Variants in IPCEF1 observed in about 807,000 individuals in gnomAD.
The protein encoded by IPCEF1 is interactor protein for cytohesin exchange factors 1.
IPCEF1 carries 31 observed loss-of-function variants against 50.9 expected under a neutral mutation model. The observed-to-expected ratio is 0.61, with a 90% CI of 0.46 to 0.82. IPCEF1 has a LOEUF of 0.82. IPCEF1 is among the 40% of genes least tolerant of loss of function. The pLI, the probability that IPCEF1 is intolerant of heterozygous loss-of-function variation, is 0.00. For synonymous variants in IPCEF1, 181 were observed against 192.0 expected (o/e 0.94, Z 0.47); for missense variants, 458 against 514.0 (o/e 0.89, Z 1.05).
At chr6:154,236,828 T>C (rs759244106) in intron 5 of IPCEF1, among the ~76,000 whole-genome samples, 65 of 152,258 alleles carry the variant, frequency 4.3e-4, no homozygotes, top group Non-Finnish European at 7.2e-4. Context: ...AGAATTAAAA[T>C]TGGGTGCGTT....
chr6:154,199,166 T>A (rs1206037150), intron 10 of IPCEF1, among the ~76,000 whole-genome samples: 1 of 152,210 alleles, frequency 6.6e-6, no homozygotes, highest in Non-Finnish European at 1.5e-5. Flanking sequence ...CTGCACAAAG[T>A]GCATGCAAAT....
intron 2 of IPCEF1, among the ~76,000 whole-genome samples, chr6:154,271,527 T>C (rs1781902154): frequency 6.6e-6 from 1 of 152,208 alleles, no homozygotes; most frequent in South Asian, 2.1e-4. Context: ...TATAGATTAC[T>C]TTTATACAGA....
intron 1 of IPCEF1, among the ~76,000 whole-genome samples, chr6:154,347,460 A>G (rs193187750): frequency 2.0e-5 from 3 of 152,374 alleles, no homozygotes; most frequent in Admixed American, 6.5e-5. Flanking sequence ...TTAAAAAATT[A>G]GATAATGAAT....
At chr6:154,247,596 T>TA (rs577036239) in intron 3 of IPCEF1, 108 bp from the exon 4 acceptor site, 827 of 868,530 alleles carry the variant, frequency 9.5e-4, no homozygotes, top group African/African-American at 2.6e-3. Flanking sequence ...GGATGGAATC[T>TA]AAAAAAAAAC....
At chr6:154,166,549 C>A (rs981606255) in intron 11 of IPCEF1, among the ~76,000 whole-genome samples, 1 of 152,180 alleles carries the variant, frequency 6.6e-6, no homozygotes. Flanking sequence ...CCTAATGCCT[C>A]CAGTAATCCA....
chr6:154,212,314 T>A (rs1778026171), intron 9 of IPCEF1, among the ~76,000 whole-genome samples: 1 of 152,244 alleles, frequency 6.6e-6, no homozygotes, highest in South Asian at 2.1e-4. Flanking sequence ...GCACTTTTAA[T>A]GCACTAACCC....
At chr6:154,257,728 C>A (rs1455191728) in intron 3 of IPCEF1, among the ~76,000 whole-genome samples, 1 of 152,078 alleles carries the variant, frequency 6.6e-6, no homozygotes, top group Non-Finnish European at 1.5e-5. Flanking sequence ...GAGACAGGGT[C>A]TTGCTTTTTC....
At chr6:154,214,146 TTGTTTTTTCACCCTGTTTCAACC>T (rs1438049730) in intron 8 of IPCEF1, 49 bp downstream of exon 8, 87 of 982,448 alleles carry the variant, frequency 8.9e-5, no homozygotes, top group Non-Finnish European at 1.4e-4. Context: ...GAACTTGACA[TTGTTTTTTCACCCTGTTTCAACC>T]TGTTCTAATA....
At chr6:154,196,410 A>C (rs1038078684) in intron 10 of IPCEF1, among the ~76,000 whole-genome samples, 3 of 151,990 alleles carry the variant, frequency 2.0e-5, no homozygotes, top group Admixed American at 6.6e-5. Context: ...CTTCTTTAAC[A>C]ATGTTTTATT....
chr6:154,345,829 A>C (rs1204167391), intron 1 of IPCEF1, among the ~76,000 whole-genome samples: 4 of 148,674 alleles, frequency 2.7e-5, no homozygotes, highest in Non-Finnish European at 6.0e-5. Context: ...TATGGTTTTA[A>C]TATATTAAAA....
chr6:154,354,488 CTA>C (rs1192532119), intron 1 of IPCEF1, among the ~76,000 whole-genome samples: 2,840 of 144,548 alleles, frequency 0.02, no homozygotes, highest in African/African-American at 0.035. Context: ...TCCACCATCT[CTA>C]CCGTCACTTC....
At chr6:154,264,846 T>C (rs1400452527) in intron 3 of IPCEF1, among the ~76,000 whole-genome samples, 2 of 152,050 alleles carry the variant, frequency 1.3e-5, no homozygotes, top group Non-Finnish European at 2.9e-5. Flanking sequence ...GTTACTAAGG[T>C]GTCCCTTTCA....
chr6:154,257,689 G>C (rs1215566148), intron 3 of IPCEF1, among the ~76,000 whole-genome samples: 2 of 149,120 alleles, frequency 1.3e-5, no homozygotes, highest in African/African-American at 4.9e-5. Flanking sequence ...TTTGGTTTTG[G>C]GTTTTGTTTG....
chr6:154,314,819 G>A (rs1783171589), intron 1 of IPCEF1, among the ~76,000 whole-genome samples: 1 of 151,124 alleles, frequency 6.6e-6, no homozygotes, highest in Admixed American at 6.6e-5. Flanking sequence ...AGCACTCATA[G>A]AAAGAGGTTC....
chr6:154,166,189 C>G (rs960867236), intron 11 of IPCEF1, among the ~76,000 whole-genome samples: 1 of 152,256 alleles, frequency 6.6e-6, no homozygotes, highest in Non-Finnish European at 1.5e-5. Flanking sequence ...ATAACCGATA[C>G]ACTGACAGAA....
chr6:154,224,364 T>G lies in IPCEF1; in HGVS notation c.247-1121A>C, dbSNP rs375603665. ...CTATGCCCATCTTCTCTCTCTTATG[T>G]GACTCAACTTATCTAAATTATTCAC... On this transcript the variant is annotated intron_variant, in intron 5 of 11. Transcript: ENST00000367220. 6.6e-5 allele frequency among the ~76,000 whole-genome samples: 10 copies of G among 152,304 alleles called. No homozygotes were observed. In the East Asian group the frequency reaches 1.3e-3, roughly 21 times the overall value.
At chr6:154,221,212 G>A (rs1428399492) in intron 7 of IPCEF1, 45 bp downstream of exon 7, 3 of 1,387,424 alleles carry the variant, frequency 2.2e-6, no homozygotes, top group East Asian at 2.3e-5. Flanking sequence ...CTAAAGTTAA[G>A]TATATTCCCA....
In IPCEF1 at chr6:154,159,825, G is replaced by A. The variant is rs757793957; in HGVS notation, c.*3C>T. The A allele has an allele frequency of 1.9e-5, 31 of 1,605,344 alleles. No homozygotes were observed. Among genetic ancestry groups the A allele is most frequent in the Non-Finnish European group, 2.1e-5 (25 of 1,174,404 alleles). On this transcript the variant is annotated 3_prime_UTR_variant, in exon 12 of 12. Transcript: ENST00000367220. ...TATAAGAGGAGAAAACCCTGACTTTGTCTCAAATGGAATTTTCAACAGAGG... is the reference window on the plus strand; with the variant it reads ...TATAAGAGGAGAAAACCCTGACTTTATCTCAAATGGAATTTTCAACAGAGG...
At chr6:154,182,936 A>T in intron 10 of IPCEF1, among the ~76,000 whole-genome samples, 1 of 152,176 alleles carries the variant, frequency 6.6e-6, no homozygotes, top group East Asian at 1.9e-4. Context: ...TCTCAATTTC[A>T]CTAAGCAGAA....
Sources: gnomAD v4.1 joint callset for allele counts (sites outside exome capture counted in the v4.1 genomes callset) on GRCh38, gnomAD v4.1.1 for gene constraint, MANE v1.5 for transcripts, NCBI Gene and HGNC (gene_info 2026-07-23, HGNC 2026-07-21) for gene names.